The following PHACTR1 variants were observed in gnomAD, a reference collection of about 807,000 sequenced individuals.
The protein encoded by PHACTR1 is RPEL repeat containing 1.
A neutral mutation model predicts 69.2 loss-of-function variants in PHACTR1; 16 were observed. The ratio of observed to expected loss-of-function variants is 0.23; its 90% confidence interval spans 0.16 to 0.35. PHACTR1 has a LOEUF of 0.35. Ranked by LOEUF, PHACTR1 falls within the 10% of genes least tolerant of loss-of-function variation. The pLI is 1.00. For missense variants in PHACTR1, 510 were observed against 734.7 expected (o/e 0.69, Z 3.54); for synonymous variants, 312 against 284.5 (o/e 1.10, Z -0.97).
intron 4 of PHACTR1, among the ~76,000 whole-genome samples, chr6:12,807,907 A>G (rs1481076723): frequency 1.3e-5 from 2 of 152,224 alleles, no homozygotes. Flanking sequence ...TCGTTGCCCA[A>G]TAAAGTGTTT....
Position 13,227,977 on chromosome 6 carries a change from C to T in PHACTR1, c.1148C>T (p.Ser383Leu), listed in dbSNP as rs375258601. Residue 383 changes from serine (S) to leucine (L), a missense_variant, in exon 9 of 15, where the codon TCA becomes TTA. Physicochemically the swap from Ser to Leu is moderately radical, Grantham distance 145. Around this residue, in one of 2 missense-constraint regions of PHACTR1, gnomAD observed 419 missense variants for 530.9 expected, o/e 0.79. Coordinates refer to ENST00000332995, the MANE Select transcript of PHACTR1 (RefSeq NM_030948.6). ...AATAAAGAAAATGTGCCTCATGAGT[C>T]AGACTACGAAGACTCTTCTTGCCTG... ...DDNKENVPHE[S>L]DYEDSSCLYT... 4.3e-6 allele frequency: 7 copies of T among 1,613,990 alleles called. No individual in the cohort carries two copies. The South Asian group carries it at 7.7e-5, about 18-fold the overall frequency.
At position 12,978,829 on chromosome 6, in the gene PHACTR1, A is replaced by G. The variant is rs185560308; in HGVS notation, c.251-74536A>G. Among the ~76,000 whole-genome samples the G allele has an allele frequency of 2.6e-5, 4 of 152,346 alleles. No homozygotes were observed. In the East Asian group the frequency reaches 7.7e-4, roughly 29 times the overall value. On this transcript the variant is annotated intron_variant, in intron 4 of 14. Coordinates refer to ENST00000332995, the MANE Select transcript of PHACTR1 (RefSeq NM_030948.6). Reference sequence around the variant, plus strand: ...CCAGCTTTTCAGACTGAAATTAAGTACTAACAAGTTATGAAACTCAAAATG... The same window carrying G: ...CCAGCTTTTCAGACTGAAATTAAGTGCTAACAAGTTATGAAACTCAAAATG...
chr6:12,749,460 T>G, intron 3 of PHACTR1, 184 bp from the exon 4 acceptor site: 1 of 652,980 alleles, frequency 1.5e-6, no homozygotes, highest in African/African-American at 1.8e-5. Context: ...TTTCTCTCCT[T>G]TGCTCTCTTT....
chr6:12,827,777 T>C (rs1776964622), intron 4 of PHACTR1, among the ~76,000 whole-genome samples: 1 of 152,184 alleles, frequency 6.6e-6, no homozygotes, highest in African/African-American at 2.4e-5. Context: ...ATACTAATGA[T>C]ATAAAGAAAG....
chr6:12,769,819 A>G (rs1325482830), intron 4 of PHACTR1, among the ~76,000 whole-genome samples: 1 of 152,194 alleles, frequency 6.6e-6, no homozygotes, highest in East Asian at 1.9e-4. Context: ...CTCCTTCTGT[A>G]CAGATAGATC....
rs189824447 is a variant in PHACTR1, at chr6:13,217,647, A to T, written c.987-10169A>T. 2.4e-4 allele frequency among the ~76,000 whole-genome samples: 36 copies of T among 152,330 alleles called. 1 individual carries two copies. Among genetic ancestry groups the T allele is most frequent in the Non-Finnish European group, 4.1e-4 (28 of 68,016 alleles). ...AAAAAAAACTCAAAATACATTTTCT[A>T]TTCAGGAAGGCTCAGTACCCTCGTC... On this transcript the variant is annotated intron_variant, in intron 8 of 14. Coordinates refer to ENST00000332995, the MANE Select transcript of PHACTR1 (RefSeq NM_030948.6).
chr6:13,198,132 A>G (rs1764689991), intron 7 of PHACTR1, among the ~76,000 whole-genome samples: 1 of 152,234 alleles, frequency 6.6e-6, no homozygotes, highest in Non-Finnish European at 1.5e-5. Context: ...TTTATTGGGT[A>G]TCTACTATGC....
intron 5 of PHACTR1, among the ~76,000 whole-genome samples, chr6:13,081,532 C>T (rs1437663860): frequency 6.6e-6 from 1 of 152,134 alleles, no homozygotes; most frequent in Non-Finnish European, 1.5e-5. Context: ...CAAAAGTGTA[C>T]TTAAAGAAGC....
chr6:12,985,561 T>C lies in PHACTR1; in HGVS notation c.251-67804T>C, dbSNP rs533920359. On this transcript the variant is annotated intron_variant, in intron 4 of 14. Transcript: ENST00000332995. ...AAAAAAATATATATATATATATATATACACAGAGAGAGAGAGTCATACACA... is the reference window on the plus strand; with the variant it reads ...AAAAAAATATATATATATATATATACACACAGAGAGAGAGAGTCATACACA... Among the ~76,000 whole-genome samples, 1,388 of 146,338 alleles carry C rather than the reference T, an allele frequency of 9.5e-3. 19 individuals carry two copies. The highest frequency in any genetic ancestry group is 0.023 in the African/African-American group (909 of 39,924).
At chr6:13,023,587 C>T (rs1338617430) in intron 4 of PHACTR1, among the ~76,000 whole-genome samples, 1 of 152,232 alleles carries the variant, frequency 6.6e-6, no homozygotes, top group Non-Finnish European at 1.5e-5. Flanking sequence ...TGACATTCTG[C>T]TTCCCTTGTC....
At chr6:13,161,677 C>T (rs764833614) in intron 6 of PHACTR1, among the ~76,000 whole-genome samples, 5 of 152,152 alleles carry the variant, frequency 3.3e-5, no homozygotes, top group Admixed American at 6.5e-5. Flanking sequence ...GGTTCTGGCG[C>T]ATCTTTCAGA....
chr6:12,930,158 C>T (rs749685857), intron 4 of PHACTR1, among the ~76,000 whole-genome samples: 1 of 151,982 alleles, frequency 6.6e-6, no homozygotes, highest in Non-Finnish European at 1.5e-5. Flanking sequence ...ATTCTCCCAC[C>T]CAGGCCTTCT....
At chr6:13,258,423 T>G (rs1056522555) in intron 10 of PHACTR1, among the ~76,000 whole-genome samples, 3 of 151,414 alleles carry the variant, frequency 2.0e-5, no homozygotes, top group Admixed American at 6.6e-5. Flanking sequence ...TGGTTAAGAA[T>G]GTGGCCCAGG....
chr6:13,105,633 C>A (rs1272852522), intron 5 of PHACTR1, among the ~76,000 whole-genome samples: 2 of 152,118 alleles, frequency 1.3e-5, no homozygotes, highest in Non-Finnish European at 2.9e-5. Flanking sequence ...GGTCCCCCTG[C>A]CACCCATGCT....
chr6:13,120,052 A>C (rs1377654206), intron 5 of PHACTR1, among the ~76,000 whole-genome samples: 3 of 152,130 alleles, frequency 2.0e-5, no homozygotes, highest in Non-Finnish European at 4.4e-5. Context: ...ATGGTCCGTT[A>C]GTTCTGGAAA....
intron 4 of PHACTR1, among the ~76,000 whole-genome samples, chr6:12,913,782 G>A (rs974154783): frequency 6.6e-6 from 1 of 152,110 alleles, no homozygotes; most frequent in Non-Finnish European, 1.5e-5. Context: ...GATATCCCAG[G>A]TGTTCCTGAA....
chr6:12,965,297 AC>A (rs1331275781), intron 4 of PHACTR1, among the ~76,000 whole-genome samples: 1 of 152,070 alleles, frequency 6.6e-6, no homozygotes, highest in Non-Finnish European at 1.5e-5. Flanking sequence ...TGTATTTGTA[AC>A]CCCAAAAATC....
At chr6:12,970,535 C>T (rs1000640310) in intron 4 of PHACTR1, among the ~76,000 whole-genome samples, 12 of 152,138 alleles carry the variant, frequency 7.9e-5, no homozygotes, top group East Asian at 3.9e-4. Context: ...GTTGTGAGGC[C>T]GAGGCAGAAG....
intron 4 of PHACTR1, among the ~76,000 whole-genome samples, chr6:12,876,262 C>T (rs1383694241): frequency 6.6e-6 from 1 of 152,148 alleles, no homozygotes; most frequent in African/African-American, 2.4e-5. Flanking sequence ...ACCCTGCTTA[C>T]GATGTGCCTG....
Sources: allele counts gnomAD v4.1 joint callset (sites outside exome capture counted in the v4.1 genomes callset), GRCh38; gene constraint gnomAD v4.1.1; regional missense constraint gnomAD v4.1.1; transcripts MANE v1.5; gene names NCBI Gene and HGNC (gene_info 2026-07-23, HGNC 2026-07-21).